Variants in TPCN2 observed in about 807,000 individuals in gnomAD.
TPCN2 encodes the protein two pore channel protein 2.
TPCN2 carries 92 observed loss-of-function variants against 111.4 expected under a neutral mutation model. That is an observed-to-expected ratio of 0.83 (90% CI 0.70 to 0.98). The LOEUF is 0.98. Among genes scored for constraint, TPCN2 ranks in the 50% least tolerant of loss-of-function variants. The probability of loss-of-function intolerance (pLI) is 0.00; values close to 1 mark genes in which losing one functional copy is unlikely to be tolerated. For missense variants in TPCN2, 995 were observed against 980.1 expected (o/e 1.02, Z -0.20); for synonymous variants, 405 against 414.5 (o/e 0.98, Z 0.28).
intron 23 of TPCN2, 51 bp from the exon 24 acceptor site, chr11:69,087,061 G>GC: frequency 6.5e-7 from 1 of 1,534,376 alleles, no homozygotes; most frequent in East Asian, 2.3e-5. Context: ...ATGGGGCAAG[G>GC]CTGCTTTCAT....
chr11:69,071,900 G>A (rs776451243), intron 10 of TPCN2, 23 bp from the exon 11 acceptor site: 14 of 1,609,174 alleles, frequency 8.7e-6, no homozygotes, highest in South Asian at 6.6e-5. Context: ...TGATCCTGCC[G>A]TTCATAGCCT....
Position 69,072,680 on chromosome 11 carries a change from A to G in TPCN2, c.1115A>G (p.Asp372Gly), listed in dbSNP as rs780864946. 1.9e-6 allele frequency: 3 copies of G among 1,613,766 alleles called. No homozygotes were observed. The highest frequency in any genetic ancestry group is 1.7e-5 in the Admixed American group (1 of 60,016). Residue 372 changes from aspartate to glycine, a missense_variant, in exon 12 of 25, where the codon GAC becomes GGC. Asp to Gly is a moderately conservative substitution (Grantham distance 94). Coordinates refer to ENST00000294309, the MANE Select transcript of TPCN2 (RefSeq NM_139075.4). ...LLQVLQKVQLDSSHKQAMMEK... is the reference protein window; with the variant it reads ...LLQVLQKVQLGSSHKQAMMEK... ...CAGGTGCTTCAGAAGGTCCAGCTGGACAGCTCCCACAAACAGGCCATGATG... is the reference window on the plus strand; with the variant it reads ...CAGGTGCTTCAGAAGGTCCAGCTGGGCAGCTCCCACAAACAGGCCATGATG...
At chr11:69,055,885 C>T (rs1854739506) in intron 4 of TPCN2, among the ~76,000 whole-genome samples, 1 of 151,456 alleles carries the variant, frequency 6.6e-6, no homozygotes, top group Admixed American at 6.6e-5. Context: ...ACCCTGCCAC[C>T]CCAAAGAGAA....
intron 16 of TPCN2, chr11:69,079,400 C>T (rs1289403022): frequency 3.4e-6 from 1 of 293,902 alleles, no homozygotes; most frequent in Non-Finnish European, 6.4e-6. Flanking sequence ...TCTCAGGCAC[C>T]AGGGTGTTCT....
chr11:69,084,731 G>A (rs1856199734), intron 19 of TPCN2: 1 of 985,312 alleles, frequency 1.0e-6, no homozygotes, highest in African/African-American at 1.7e-5. Flanking sequence ...GCTCTGGGCT[G>A]GACCCCAGCT....
In TPCN2 at chr11:69,079,032, G is replaced by A. The variant is rs372985808; in HGVS notation, c.1539+12G>A. On this transcript the variant is annotated intron_variant, in intron 16 of 24. Coordinates refer to ENST00000294309, the MANE Select transcript of TPCN2 (RefSeq NM_139075.4). Reference sequence around the variant, plus strand: ...CCGTTGTCCTGCTGGTAAAGTAGGCGCATCCGAGGCCGGCCTCTACTGGGC... The same window carrying A: ...CCGTTGTCCTGCTGGTAAAGTAGGCACATCCGAGGCCGGCCTCTACTGGGC... The A allele has an allele frequency of 1.9e-5, 31 of 1,601,186 alleles. No individual in the cohort carries two copies. The highest frequency in any genetic ancestry group is 1.4e-4 in the Admixed American group (8 of 59,216).
At chr11:69,071,827 G>T (rs1366544347) in intron 10 of TPCN2, 96 bp from the exon 11 acceptor site, 3 of 1,184,696 alleles carry the variant, frequency 2.5e-6, no homozygotes, top group Admixed American at 3.7e-5. Context: ...AGGCTGCCCA[G>T]ACTCCCCCTC....
chr11:69,079,805 C>G (rs201712795), intron 16 of TPCN2, 29 bp from the exon 17 acceptor site: 1 of 1,610,172 alleles, frequency 6.2e-7, no homozygotes, highest in Non-Finnish European at 8.5e-7. Context: ...GTTGCTGTAG[C>G]GAAGCCTTCT....
chr11:69,075,182 G>A (rs1045461779), intron 13 of TPCN2, among the ~76,000 whole-genome samples: 4 of 152,102 alleles, frequency 2.6e-5, no homozygotes, highest in Non-Finnish European at 4.4e-5. Context: ...AGGTTCCACA[G>A]GTTTTGGGAG....
At chr11:69,079,969 G>C in intron 17 of TPCN2, 86 bp downstream of exon 17, 1 of 1,320,100 alleles carries the variant, frequency 7.6e-7, no homozygotes, top group Non-Finnish European at 1.1e-6. Flanking sequence ...GGTGTCCAGG[G>C]GGCTGGGTCT....
chr11:69,064,507 G>C (rs1339044390), intron 7 of TPCN2, among the ~76,000 whole-genome samples: 1 of 152,262 alleles, frequency 6.6e-6, no homozygotes, highest in South Asian at 2.1e-4. Flanking sequence ...CCTCCTCTGC[G>C]GCTGCCCCGG....
At chr11:69,071,257 G>A (rs1855523408) in intron 9 of TPCN2, 99 bp from the exon 10 acceptor site, 1 of 886,306 alleles carries the variant, frequency 1.1e-6, no homozygotes, top group Admixed American at 2.0e-5. Context: ...ATTTGATAGG[G>A]GACGCCCCCG....
At chr11:69,064,296 C>T (rs1228475543) in intron 7 of TPCN2, among the ~76,000 whole-genome samples, 1 of 53,236 alleles carries the variant, frequency 1.9e-5, no homozygotes, top group Non-Finnish European at 4.5e-5. Context: ...CCCTCCCTAT[C>T]CCCCGCCCCT....
intron 22 of TPCN2, among the ~76,000 whole-genome samples, 169 bp downstream of exon 22, chr11:69,086,099 C>T (rs564848193): frequency 2.6e-5 from 4 of 152,350 alleles, no homozygotes; most frequent in African/African-American, 7.2e-5. Flanking sequence ...TTGTCCCTGC[C>T]CCCTGCATAG....
chr11:69,074,392 A>C (rs575994938), intron 13 of TPCN2, among the ~76,000 whole-genome samples: 1 of 152,382 alleles, frequency 6.6e-6, no homozygotes, highest in South Asian at 2.1e-4. Flanking sequence ...TCACGCCATC[A>C]AACCTCTGTT....
intron 6 of TPCN2, among the ~76,000 whole-genome samples, chr11:69,063,512 G>GC (rs1855117870): frequency 6.6e-6 from 1 of 151,968 alleles, no homozygotes; most frequent in Non-Finnish European, 1.5e-5. Context: ...ATCCCCTGCC[G>GC]CCCTCCGCTC....
rs1854632966 is a variant in TPCN2 at position 69,054,014 on chromosome 11, G to A, written c.110-19G>A. The A allele has an allele frequency of 2.5e-6, 4 of 1,611,596 alleles. No homozygotes were observed. Among genetic ancestry groups the A allele is most frequent in the African/African-American group, 1.3e-5 (1 of 74,900 alleles). On this transcript the variant is annotated intron_variant, in intron 1 of 24. Coordinates refer to ENST00000294309, the MANE Select transcript of TPCN2 (RefSeq NM_139075.4). Reference sequence around the variant, plus strand: ...ATGTCATCCTGCTCGGTCACCTGATGTGTCCCCTCTGCCTGCAGGTGCCGC... The same window carrying A: ...ATGTCATCCTGCTCGGTCACCTGATATGTCCCCTCTGCCTGCAGGTGCCGC...
chr11:69,081,515 AC>A lies in TPCN2; in HGVS notation c.1689+21del. The stretch of plus-strand genomic sequence containing the variant: ...CAGCATGAAGGTGTGTGCCGGCCCC[AC>A]CCCCACTCGCCCCACCCTCCTGGGT... On this transcript the variant is annotated intron_variant, in intron 18 of 24. Coordinates refer to ENST00000294309, the MANE Select transcript of TPCN2 (RefSeq NM_139075.4). 3 of 1,516,670 alleles carry A rather than the reference AC, an allele frequency of 2.0e-6. No homozygotes were observed. Among genetic ancestry groups the A allele is most frequent in the Non-Finnish European group, 8.9e-7 (1 of 1,123,832 alleles). 94.0% of individuals were successfully genotyped at this position (1,516,670 alleles called of 1,614,324 possible). A position where few individuals can be genotyped will look rare whatever the true frequency, so the allele number is the denominator to read the frequency against.
rs534418256 is a variant in TPCN2 at position 69,056,907 on chromosome 11, A to G, written c.430-671A>G. Among the ~76,000 whole-genome samples, 15 of 146,768 alleles carry G rather than the reference A, an allele frequency of 1.0e-4. No individual in the cohort carries two copies. The South Asian group carries it at 3.3e-3, about 32-fold the overall frequency. ...GGCTAGGGTGCTGTGGCATGATCTC[A>G]GCTCACTGCAACCTTCGCCTCCTGG... On this transcript the variant is annotated intron_variant, in intron 4 of 24. Coordinates refer to ENST00000294309, the MANE Select transcript of TPCN2 (RefSeq NM_139075.4).
Sources: allele counts gnomAD v4.1 joint callset (sites outside exome capture counted in the v4.1 genomes callset), GRCh38; gene constraint gnomAD v4.1.1; transcripts MANE v1.5; gene names NCBI Gene and HGNC (gene_info 2026-07-23, HGNC 2026-07-21).